CELF2: variants seen among roughly 807,000 people sequenced by gnomAD.
CELF2 encodes the protein CUGBP Elav-like family member 2.
A neutral mutation model predicts 62.6 loss-of-function variants in CELF2; 8 were observed. The observed-to-expected ratio is 0.13, with a 90% CI of 0.07 to 0.23. The LOEUF (loss-of-function observed/expected upper bound fraction) is 0.23. CELF2 is among the 10% of genes least tolerant of loss of function. The pLI is 1.00. For missense variants in CELF2, 333 were observed against 671.0 expected, an observed-to-expected ratio of 0.50 and a Z score of 5.56; for synonymous variants, 258 against 250.0, an observed-to-expected ratio of 1.03 and a Z score of -0.30.
chr10:10,676,893 C>A, the CELF2 span, among the ~76,000 whole-genome samples: 2 of 152,152 alleles, frequency 1.3e-5, no homozygotes, highest in Non-Finnish European at 2.9e-5. Flanking sequence ...CTCTTAATAA[C>A]CAAGAATGCC....
intron 1 of CELF2, among the ~76,000 whole-genome samples, chr10:11,040,516 A>T (rs185842759): frequency 2.6e-5 from 4 of 152,222 alleles, no homozygotes; most frequent in East Asian, 3.9e-4. Context: ...TGTATCTTCT[A>T]TGTAGCGACG....
chr10:10,754,527 A>T, the CELF2 span, among the ~76,000 whole-genome samples: 1 of 152,168 alleles, frequency 6.6e-6, no homozygotes, highest in Non-Finnish European at 1.5e-5. Flanking sequence ...GACTACAAGG[A>T]AGCATGATCA....
rs2067112627 is a variant in CELF2, at chr10:11,227,729, G to T, written c.354+10222G>T. Reference sequence around the variant, plus strand: ...TGTCATGGTGGCCTCTGGCAGCTTGGGTTAGACCAGGTGGTTATTTGCCAC... The same window carrying T: ...TGTCATGGTGGCCTCTGGCAGCTTGTGTTAGACCAGGTGGTTATTTGCCAC... On this transcript the variant is annotated intron_variant, in intron 3 of 12. Coordinates refer to ENST00000633077, the MANE Select transcript of CELF2 (RefSeq NM_001326342.2). The surrounding 1 kb of genome is among the most constrained non-coding windows in gnomAD (Gnocchi z 4.8). Among the ~76,000 whole-genome samples the T allele has an allele frequency of 6.6e-6, 1 of 152,136 alleles. No homozygotes were observed. Among genetic ancestry groups the T allele is most frequent in the Admixed American group, 6.5e-5 (1 of 15,272 alleles).
the CELF2 span, among the ~76,000 whole-genome samples, chr10:10,783,343 A>T: frequency 1.3e-5 from 2 of 152,158 alleles, no homozygotes; most frequent in African/African-American, 4.8e-5. Flanking sequence ...GGACAGGAAG[A>T]TACAGAGGGA....
intron 4 of CELF2, among the ~76,000 whole-genome samples, chr10:11,251,848 T>C (rs1003304149): frequency 6.6e-6 from 1 of 152,230 alleles, no homozygotes; most frequent in Non-Finnish European, 1.5e-5. Context: ...AACACTGTTA[T>C]TCCACTCACC....
intron 2 of CELF2, among the ~76,000 whole-genome samples, chr10:11,192,721 T>C (rs538433564): frequency 1.3e-5 from 2 of 152,178 alleles, no homozygotes; most frequent in African/African-American, 2.4e-5. Flanking sequence ...CGAGTTCACA[T>C]GGGACTCAAA....
intron 2 of CELF2, among the ~76,000 whole-genome samples, chr10:11,186,669 C>T (rs2075022738): frequency 6.6e-6 from 1 of 152,076 alleles, no homozygotes; most frequent in Non-Finnish European, 1.5e-5. Context: ...GCTCTAAAAC[C>T]TGAAATTTTT....
At chr10:10,966,337 G>C (rs1481197822) in intron 2 of CELF2, among the ~76,000 whole-genome samples, 1 of 152,218 alleles carries the variant, frequency 6.6e-6, no homozygotes, top group Non-Finnish European at 1.5e-5. Flanking sequence ...TGGTACAGTG[G>C]AGCTGAAGAG....
At chr10:10,551,683 G>A in the CELF2 span, among the ~76,000 whole-genome samples, 1 of 152,138 alleles carries the variant, frequency 6.6e-6, no homozygotes. Flanking sequence ...TCATTACAGC[G>A]TGGTCCTTAA....
chr10:10,691,694 C>T, the CELF2 span, among the ~76,000 whole-genome samples: 14 of 146,694 alleles, frequency 9.5e-5, no homozygotes, highest in East Asian at 1.2e-3. Flanking sequence ...TTAATGATAG[C>T]CATTCTAACT....
At chr10:10,559,906 T>C in the CELF2 span, among the ~76,000 whole-genome samples, 1 of 152,188 alleles carries the variant, frequency 6.6e-6, no homozygotes, top group Non-Finnish European at 1.5e-5. Context: ...AAAATCGTTA[T>C]TGAATGCAAA....
At chr10:10,808,887 A>G (rs1429909033) in intron 1 of CELF2, among the ~76,000 whole-genome samples, 1 of 152,106 alleles carries the variant, frequency 6.6e-6, no homozygotes, top group African/African-American at 2.4e-5. Flanking sequence ...ACCAAACCAA[A>G]CTAGGTTTGA....
chr10:10,799,465 C>G (rs771895940), intron 1 of CELF2, among the ~76,000 whole-genome samples: 4 of 151,906 alleles, frequency 2.6e-5, no homozygotes, highest in Non-Finnish European at 5.9e-5. Context: ...GCCTGTGCAA[C>G]AGAGTAAGAA....
At chr10:11,149,314 C>T (rs1251385927) in intron 1 of CELF2, among the ~76,000 whole-genome samples, 1 of 152,230 alleles carries the variant, frequency 6.6e-6, no homozygotes, top group Non-Finnish European at 1.5e-5. Context: ...AGATGATCCA[C>T]TTGCCTCAGC....
chr10:10,846,085 C>T (rs1309276083), intron 1 of CELF2: 3 of 985,066 alleles, frequency 3.0e-6, no homozygotes, highest in Non-Finnish European at 3.6e-6. Context: ...CGATCAGATC[C>T]TTCTGCGCTC....
the CELF2 span, among the ~76,000 whole-genome samples, chr10:10,603,523 G>A: frequency 1.1e-4 from 16 of 152,142 alleles, no homozygotes; most frequent in African/African-American, 3.9e-4. Context: ...TATTTTAGGA[G>A]AGTGGAGAGA....
At chr10:11,009,366 T>C (rs1042911479) in intron 1 of CELF2, among the ~76,000 whole-genome samples, 3 of 151,958 alleles carry the variant, frequency 2.0e-5, no homozygotes, top group African/African-American at 7.3e-5. Context: ...TGTGTGTGCG[T>C]GCGCGCGTCG....
At chr10:11,276,104 C>G (rs1374532346) in intron 8 of CELF2, among the ~76,000 whole-genome samples, 1 of 152,026 alleles carries the variant, frequency 6.6e-6, no homozygotes, top group Non-Finnish European at 1.5e-5. Context: ...TTCTACCTTT[C>G]TGTTTCTTTT....
In CELF2 at chr10:10,997,348, AT is replaced by A. The variant is rs1395453528; in HGVS notation, c.89+77352del. 6.6e-6 allele frequency among the ~76,000 whole-genome samples: 1 copy of A among 152,200 alleles called. No homozygotes were observed. The highest frequency in any genetic ancestry group is 1.5e-5 in the Non-Finnish European group (1 of 68,042). On this transcript the variant is annotated intron_variant, in intron 2 of 13. Coordinates refer to the CELF2 transcript ENST00000636488. The surrounding 1 kb of genome is among the most constrained non-coding windows in gnomAD (Gnocchi z 5.3). ...AAAGAGCTATGGATGTGTTATGAGA[AT>A]TTCAAACTCATCTTTCCTAGACCAT...
Sources: allele counts gnomAD v4.1 joint callset (sites outside exome capture counted in the v4.1 genomes callset), GRCh38; gene constraint gnomAD v4.1.1; non-coding constraint Gnocchi (gnomAD v3.1); transcripts MANE v1.5; gene names NCBI Gene and HGNC (gene_info 2026-07-23, HGNC 2026-07-21).